Variants in SEC14L5 observed in about 807,000 individuals in gnomAD.
SEC14L5 encodes SEC14 like lipid binding 5.
Under a neutral mutation model 84.6 loss-of-function variants are expected in SEC14L5, and 96 were observed. The ratio of observed to expected loss-of-function variants is 1.13; its 90% CI spans 0.96 to 1.34. SEC14L5 has a LOEUF of 1.34. SEC14L5 is among the 40% of genes most tolerant of loss of function. SEC14L5 has a pLI of 0.00. For synonymous variants in SEC14L5, 546 were observed against 383.4 expected (o/e 1.42, Z -4.95); for missense variants, 1,224 against 942.5 (o/e 1.30, Z -3.91).
Position 4,961,664 on chromosome 16 carries a change from C to T in SEC14L5, c.63+2278C>T, listed in dbSNP as rs187986271. Among the ~76,000 whole-genome samples the T allele has an allele frequency of 1.1e-4, 16 of 152,248 alleles. No homozygotes were observed. In the South Asian group the frequency reaches 2.9e-3, roughly 28 times the overall value. ...TAGCCTTAAGTGCTATATTCATGGG[C>T]ATGGCTTATTTTCAAGTGCAATGAT... On this transcript the variant is annotated intron_variant, in intron 2 of 15. Coordinates refer to ENST00000251170, the MANE Select transcript of SEC14L5 (RefSeq NM_014692.2).
At chr16:4,973,857 T>A (rs924513003) in intron 2 of SEC14L5, among the ~76,000 whole-genome samples, 1 of 152,014 alleles carries the variant, frequency 6.6e-6, no homozygotes, top group South Asian at 2.1e-4. Flanking sequence ...TAATGTTTTG[T>A]ATTTTTAGTA....
chr16:4,972,376 G>T (rs1032278966), intron 2 of SEC14L5, among the ~76,000 whole-genome samples: 1 of 152,124 alleles, frequency 6.6e-6, no homozygotes, highest in African/African-American at 2.4e-5. Context: ...TAAGTGTACA[G>T]TTCAGTGGCA....
At position 5,008,413 on chromosome 16, in the gene SEC14L5, C is replaced by G. The variant is rs753266554; in HGVS notation, c.1573-8C>G. ...CGTGACTCTCAGACCTCGCCTGTCT[C>G]CACACAGGTGGCCGTGGAGATCCTG... On this transcript the variant is annotated splice_polypyrimidine_tract_variant and splice_region_variant and intron_variant, in intron 13 of 15. Transcript: ENST00000251170. The G allele has an allele frequency of 7.5e-6, 12 of 1,604,828 alleles. No individual in the cohort carries two copies. Among genetic ancestry groups the G allele is most frequent in the Non-Finnish European group, 1.0e-5 (12 of 1,174,172 alleles).
At chr16:4,973,082 A>G (rs1955299268) in intron 2 of SEC14L5, among the ~76,000 whole-genome samples, 1 of 152,254 alleles carries the variant, frequency 6.6e-6, no homozygotes, top group Admixed American at 6.5e-5. Flanking sequence ...TAAAACAGGC[A>G]TACATGAGTC....
intron 2 of SEC14L5, among the ~76,000 whole-genome samples, chr16:4,970,331 G>A (rs1489625253): frequency 6.6e-6 from 1 of 152,146 alleles, no homozygotes; most frequent in African/African-American, 2.4e-5. Flanking sequence ...GGTGGGGGAT[G>A]TTAAGCAGGG....
At chr16:5,000,165 C>T (rs937938485) in intron 8 of SEC14L5, among the ~76,000 whole-genome samples, 3 of 151,766 alleles carry the variant, frequency 2.0e-5, no homozygotes, top group African/African-American at 7.3e-5. Context: ...GTGGTGGGCG[C>T]CTGTAATCCC....
At chr16:4,987,828 T>A (rs1216704193) in intron 3 of SEC14L5, 122 bp downstream of exon 3, 2 of 751,468 alleles carry the variant, frequency 2.7e-6, no homozygotes, top group East Asian at 5.8e-5. Flanking sequence ...GGCGTGTGAG[T>A]TGATATTTGG....
intron 2 of SEC14L5, among the ~76,000 whole-genome samples, chr16:4,971,822 C>G (rs942049067): frequency 6.6e-6 from 1 of 152,172 alleles, no homozygotes; most frequent in Non-Finnish European, 1.5e-5. Context: ...TTCCTTCCTC[C>G]TTTCATTCCT....
intron 2 of SEC14L5, among the ~76,000 whole-genome samples, chr16:4,981,608 G>T (rs1955424738): frequency 6.6e-6 from 1 of 152,146 alleles, no homozygotes; most frequent in Non-Finnish European, 1.5e-5. Flanking sequence ...GCCTGGCTCT[G>T]TTTCTGAGCT....
intron 2 of SEC14L5, among the ~76,000 whole-genome samples, chr16:4,979,725 T>C (rs1955396430): frequency 1.6e-4 from 1 of 6,294 alleles, no homozygotes. Flanking sequence ...CTGCTTTTCT[T>C]GCTCCTGTCA....
chr16:4,960,893 T>C (rs1955112986), intron 2 of SEC14L5, among the ~76,000 whole-genome samples: 1 of 152,160 alleles, frequency 6.6e-6, no homozygotes, highest in Non-Finnish European at 1.5e-5. Context: ...CACCAGGGGA[T>C]GGTGAAGAGA....
Position 5,014,853 on chromosome 16 carries a change from C to T in SEC14L5, c.1980-6C>T. 1 of 1,612,012 alleles carries T rather than the reference C, an allele frequency of 6.2e-7. No individual in the cohort carries two copies. Among genetic ancestry groups the T allele is most frequent in the Non-Finnish European group, 8.5e-7 (1 of 1,178,352 alleles). On this transcript the variant is annotated splice_polypyrimidine_tract_variant and splice_region_variant and intron_variant, in intron 15 of 15. Transcript: ENST00000251170. Reference sequence around the variant, plus strand: ...GGGTAACGTGTGCCACGCCCTTCCTCCCCAGGGGCTCCATGTCCAGCCTGG... The same window carrying T: ...GGGTAACGTGTGCCACGCCCTTCCTTCCCAGGGGCTCCATGTCCAGCCTGG...
At position 4,996,874 on chromosome 16, in the gene SEC14L5, T is replaced by A; in HGVS notation, c.800T>A (p.Ile267Asn). ...HKGKIPKDEH[I>N]LRFLRAHDFH... ...TCTCAGATTCCCAAAGATGAGCACA[T>A]CCTTCGGTTCCTGCGGGCTCATGAC... is the stretch of plus-strand genomic sequence containing the variant. The change falls in exon 8 of 16, where the codon ATC becomes AAC. Residue 267 changes from isoleucine to asparagine, a missense_variant. Physicochemically the swap from Ile to Asn is moderately radical, Grantham distance 149. Transcript: ENST00000251170. 6.2e-7 allele frequency: 1 copy of A among 1,612,612 alleles called. No individual in the cohort carries two copies. Among genetic ancestry groups the A allele is most frequent in the Non-Finnish European group, 8.5e-7 (1 of 1,179,368 alleles).
Position 4,981,191 on chromosome 16 carries a change from A to G in SEC14L5, c.64-6366A>G, listed in dbSNP as rs1955419334. ...GAGTGCAGTGGTGCGATCTCCACTC[A>G]CTGCAATCTCTGCCTCCCTAGTAGC... On this transcript the variant is annotated intron_variant, in intron 2 of 15. Coordinates refer to ENST00000251170, the MANE Select transcript of SEC14L5 (RefSeq NM_014692.2). 2.7e-5 allele frequency among the ~76,000 whole-genome samples: 4 copies of G among 148,834 alleles called. 1 individual carries two copies. In the South Asian group the frequency reaches 8.4e-4, roughly 31 times the overall value.
chr16:5,000,772 C>G (rs375677779), intron 9 of SEC14L5, 29 bp downstream of exon 9: 23 of 1,555,108 alleles, frequency 1.5e-5, no homozygotes, highest in Non-Finnish European at 1.7e-5. Flanking sequence ...TCCTGGACGC[C>G]GTGCCTGGGG....
chr16:4,991,202 T>C (rs991991454), intron 5 of SEC14L5, among the ~76,000 whole-genome samples: 4 of 147,744 alleles, frequency 2.7e-5, no homozygotes, highest in African/African-American at 1.0e-4. Context: ...AAAATGATCA[T>C]TGCTTGCTCT....
chr16:4,970,652 C>A (rs1404270682), intron 2 of SEC14L5, among the ~76,000 whole-genome samples: 2 of 152,228 alleles, frequency 1.3e-5, no homozygotes, highest in African/African-American at 2.4e-5. Context: ...GCTCCTGACA[C>A]GTGAGTGAGA....
intron 8 of SEC14L5, 57 bp from the exon 9 acceptor site, chr16:5,000,598 T>C: frequency 2.2e-6 from 3 of 1,363,214 alleles, no homozygotes; most frequent in Non-Finnish European, 3.1e-6. Context: ...GACCTGCCCC[T>C]CGGAAGCAGT....
rs769103140 is a variant in SEC14L5, at chr16:5,014,977, C to G, written c.*7C>G. On this transcript the variant is annotated 3_prime_UTR_variant, in exon 16 of 16. Transcript: ENST00000251170. ...CTCCCTGGTCTCCAGATAGCCGGGC[C>G]CAGTGTTTCAGGGCCGCCCGCTCGC... 1 of 1,604,838 alleles carries G rather than the reference C, an allele frequency of 6.2e-7. No individual in the cohort carries two copies. Among genetic ancestry groups the G allele is most frequent in the Non-Finnish European group, 8.5e-7 (1 of 1,176,166 alleles).
Sources: gnomAD v4.1 joint callset for allele counts (sites outside exome capture counted in the v4.1 genomes callset) on GRCh38, gnomAD v4.1.1 for gene constraint, MANE v1.5 for transcripts, NCBI Gene and HGNC (gene_info 2026-07-23, HGNC 2026-07-21) for gene names.